FGD1: variants seen among roughly 807,000 people sequenced by gnomAD.
FGD1 encodes FYVE, RhoGEF and PH domain containing 1.
A neutral mutation model predicts 65.0 loss-of-function variants in FGD1; 12 were observed. That is an observed-to-expected ratio of 0.18 (90% CI 0.12 to 0.30). The LOEUF is 0.30. FGD1 is among the 10% of genes least tolerant of loss of function. The pLI is 1.00. For synonymous variants in FGD1, 333 were observed against 343.9 expected (o/e 0.97, Z 0.35); for missense variants, 542 against 837.6 (o/e 0.65, Z 4.36).
chrX:54,457,264 C>T (rs189906601), intron 8 of FGD1, among the ~76,000 whole-genome samples: 2 of 111,733 alleles, frequency 1.8e-5, no homozygotes, highest in African/African-American at 6.5e-5. Context: ...TGACAAAGAA[C>T]ATGTATTACT....
Position 54,470,715 on chromosome X carries a change from G to A in FGD1, c.527C>T (p.Pro176Leu), listed in dbSNP as rs201843295. The change falls in exon 3 of 18, where the codon CCA becomes CTA. Residue 176 changes from proline to leucine, a missense_variant. Pro to Leu is a moderately conservative substitution (Grantham distance 98). Around this residue, in one of 6 missense-constraint regions of FGD1, gnomAD observed 297 missense variants for 326.8 expected, o/e 0.91. Transcript: ENST00000375135. ...TGGTGGAGGGGGGATGGGCTCCAGT[G>A]GGGGGGGCATCCGGGGCATCTGCAG... ...SYLQMPRMPP[P>L]LEPIPPPPSR... 7.3e-5 allele frequency: 73 copies of A among 998,114 alleles called. No homozygotes were observed. Among genetic ancestry groups the A allele is most frequent in the African/African-American group, 3.9e-5 (2 of 51,649 alleles). 82.3% of individuals were successfully genotyped at this position (998,114 alleles called of 1,213,427 possible).
In FGD1 at chrX:54,495,785, C is replaced by T. The variant is rs966705379; in HGVS notation, c.-353G>A. ...TGGGCGAGGGTTGGAGGGCTACGCT[C>T]GGCGGGGACTCTCCGGTGGACGGCG... On this transcript the variant is annotated 5_prime_UTR_variant, in exon 1 of 18. Coordinates refer to ENST00000375135, the MANE Select transcript of FGD1 (RefSeq NM_004463.3). The T allele has an allele frequency of 9.0e-6, 1 of 110,960 alleles. No individual in the cohort carries two copies. The highest frequency in any genetic ancestry group is 1.9e-5 in the Non-Finnish European group (1 of 52,676). 9.1% of individuals were successfully genotyped at this position (110,960 alleles called of 1,213,427 possible).
intron 8 of FGD1, among the ~76,000 whole-genome samples, chrX:54,463,792 C>T (rs544793757): frequency 1.8e-5 from 2 of 111,418 alleles, no homozygotes; most frequent in Non-Finnish European, 3.8e-5. Flanking sequence ...ACATGCTCAA[C>T]CCCAACAGGC....
intron 8 of FGD1, among the ~76,000 whole-genome samples, chrX:54,457,822 A>G (rs747670078): frequency 5.4e-5 from 6 of 110,601 alleles, no homozygotes; most frequent in Non-Finnish European, 9.5e-5. Context: ...TCAAAAAAAA[A>G]AAAAGAAAAA....
chrX:54,467,755 G>T, intron 6 of FGD1, 29 bp downstream of exon 6: 1 of 1,165,593 alleles, frequency 8.6e-7, no homozygotes, highest in South Asian at 1.9e-5. Flanking sequence ...GGACAGGGGA[G>T]TGGGCAGTCT....
rs369181460 is a variant in FGD1, at chrX:54,456,395, G to A, written c.1696-29C>T. 38 of 1,209,404 alleles carry A rather than the reference G, an allele frequency of 3.1e-5. No homozygotes were observed. The South Asian group carries it at 4.6e-4, about 15-fold the overall frequency. Reference sequence around the variant, plus strand: ...GCAAAAGACAGGGAACAAAAGGCACGGTTGGGGTGCCAGCCTCCTGTCAGA... The same window carrying A: ...GCAAAAGACAGGGAACAAAAGGCACAGTTGGGGTGCCAGCCTCCTGTCAGA... On this transcript the variant is annotated intron_variant, in intron 9 of 17. Transcript: ENST00000375135.
intron 5 of FGD1, among the ~76,000 whole-genome samples, chrX:54,468,545 G>A (rs1385445531): frequency 1.8e-5 from 2 of 110,798 alleles, no homozygotes; most frequent in Non-Finnish European, 3.8e-5. Flanking sequence ...TGTCAGAGTC[G>A]CAGTCAGGGC....
At chrX:54,468,679 C>G (rs898386039) in intron 5 of FGD1, 108 bp downstream of exon 5, 1 of 547,702 alleles carries the variant, frequency 1.8e-6, no homozygotes, top group Non-Finnish European at 3.2e-6. Context: ...GCCTTACTGC[C>G]TCTAAATTCT....
chrX:54,464,888 T>C (rs1276194755), intron 8 of FGD1, among the ~76,000 whole-genome samples: 1 of 109,739 alleles, frequency 9.1e-6, no homozygotes, highest in Non-Finnish European at 1.9e-5. Flanking sequence ...ATCTGGAGGA[T>C]GGAAAATTGA....
intron 1 of FGD1, among the ~76,000 whole-genome samples, chrX:54,474,911 T>A (rs1021907358): frequency 9.0e-6 from 1 of 111,606 alleles, no homozygotes; most frequent in African/African-American, 3.3e-5. Context: ...GGAGCCCACC[T>A]ATCTCCACAC....
intron 1 of FGD1, among the ~76,000 whole-genome samples, chrX:54,481,456 C>T (rs1923141726): frequency 1.0e-5 from 1 of 96,294 alleles, no homozygotes; most frequent in Non-Finnish European, 2.1e-5. Context: ...TCTCGTATGG[C>T]ATCCTCCTAA....
rs780854384 is a variant in FGD1 at position 54,486,281 on chromosome X, G to A, written c.307+8845C>T. Among the ~76,000 whole-genome samples, 340 of 106,529 alleles carry A rather than the reference G, an allele frequency of 3.2e-3. 3 individuals carry two copies. The highest frequency in any genetic ancestry group is 0.011 in the African/African-American group (324 of 28,840). The allele number at this position is 106,529 out of a possible 115,157, so 92.5% of individuals were successfully genotyped here. On this transcript the variant is annotated intron_variant, in intron 1 of 17. Transcript: ENST00000375135. ...TTTTTTTTCTTAGAGACGGAGTCTC[G>A]CTCTGTCACCAGGCTGGAGTGCAGT...
chrX:54,482,854 G>A lies in FGD1; in HGVS notation c.308-11367C>T, dbSNP rs142162791. On this transcript the variant is annotated intron_variant, in intron 1 of 17. Coordinates refer to ENST00000375135, the MANE Select transcript of FGD1 (RefSeq NM_004463.3). ...CCACACAGGGCATGGTAGTCAGCGA[G>A]GGATACAGACCCAGGCAGAGGGGCA... 6.7e-3 allele frequency among the ~76,000 whole-genome samples: 753 copies of A among 111,620 alleles called. 4 individuals are homozygous for A. Among genetic ancestry groups the A allele is most frequent in the Non-Finnish European group, 0.011 (568 of 53,040 alleles).
chrX:54,451,126 A>G (rs1480483015), intron 12 of FGD1, among the ~76,000 whole-genome samples: 1 of 110,110 alleles, frequency 9.1e-6, no homozygotes, highest in African/African-American at 3.3e-5. Flanking sequence ...TGTAAAATGG[A>G]GATAATGATT....
At position 54,446,118 on chromosome X, in the gene FGD1, G is replaced by A; in HGVS notation, c.2877C>T (p.Asp959=). ...GTTTGTCCCAAACCCTCTAGGTCTT[G>A]TCTCGGGTCTGGGGGGATTCGGGGG... The part of the protein sequence containing the change: ...AEPPESPQTR[D]KT The change falls in exon 18 of 18, where the codon GAC becomes GAT. Residue 959 remains aspartate (D), a synonymous_variant. Coordinates refer to ENST00000375135, the MANE Select transcript of FGD1 (RefSeq NM_004463.3). The A allele has an allele frequency of 8.3e-7, 1 of 1,208,124 alleles. No individual in the cohort carries two copies. Among genetic ancestry groups the A allele is most frequent in the African/African-American group, 1.7e-5 (1 of 57,532 alleles).
At chrX:54,482,236 G>GCGCGCGCACA (rs796491256) in intron 1 of FGD1, among the ~76,000 whole-genome samples, 1 of 99,367 alleles carries the variant, frequency 1.0e-5, no homozygotes, top group Non-Finnish European at 2.0e-5. Flanking sequence ...GCACACGCGC[G>GCGCGCGCACA]CACACACACA....
chrX:54,474,959 A>AC (rs1372145102), intron 1 of FGD1, among the ~76,000 whole-genome samples: 4 of 111,758 alleles, frequency 3.6e-5, no homozygotes, highest in Non-Finnish European at 7.6e-5. Context: ...AGCCCTCCCT[A>AC]CCCTATCTGT....
At chrX:54,488,562 G>A (rs1923343910) in intron 1 of FGD1, among the ~76,000 whole-genome samples, 1 of 111,357 alleles carries the variant, frequency 9.0e-6, no homozygotes, top group Admixed American at 9.7e-5. Flanking sequence ...TCCAGCCTGG[G>A]TGACAGAGCG....
At chrX:54,446,480 A>G (rs1922184422) in intron 17 of FGD1, 66 bp from the exon 18 acceptor site, 1 of 1,076,271 alleles carries the variant, frequency 9.3e-7, no homozygotes, top group Non-Finnish European at 1.3e-6. Context: ...CCCAGCTTCT[A>G]ACTGGTTTTG....
Sources: gnomAD v4.1 joint callset for allele counts (sites outside exome capture counted in the v4.1 genomes callset) on GRCh38, gnomAD v4.1.1 for gene constraint, gnomAD v4.1.1 regional missense constraint, MANE v1.5 for transcripts, NCBI Gene and HGNC (gene_info 2026-07-23, HGNC 2026-07-21) for gene names.